KAZN: variants seen among roughly 807,000 people sequenced by gnomAD.
KAZN encodes kazrin.
A neutral mutation model predicts 87.4 loss-of-function variants in KAZN; 40 were observed. That is an observed-to-expected ratio of 0.46 (90% confidence interval 0.36 to 0.60). KAZN has a LOEUF of 0.60. KAZN is among the 20% of genes least tolerant of loss of function. KAZN has a pLI of 0.00. For missense variants in KAZN, 898 were observed against 1,073.9 expected (o/e 0.84, Z 2.29); for synonymous variants, 466 against 458.3 (o/e 1.02, Z -0.22).
chr1:14,930,808 C>T (rs1192682150), intron 1 of KAZN, among the ~76,000 whole-genome samples: 2 of 143,516 alleles, frequency 1.4e-5, no homozygotes, highest in African/African-American at 5.7e-5. Flanking sequence ...CTTCCTGGCA[C>T]CTTCGGCTCA....
At chr1:14,343,291 C>T (rs1657876951) in intron 2 of KAZN, among the ~76,000 whole-genome samples, 2 of 152,104 alleles carry the variant, frequency 1.3e-5, no homozygotes, top group South Asian at 2.1e-4. Context: ...GGGAAAACAT[C>T]GAGGAAAAAA....
At chr1:14,075,656 A>T (rs1239970592) in intron 1 of KAZN, among the ~76,000 whole-genome samples, 1 of 152,178 alleles carries the variant, frequency 6.6e-6, no homozygotes, top group East Asian at 1.9e-4. Flanking sequence ...TCCTTGAAAA[A>T]TGATTGTTTT....
chr1:13,958,157 C>T (rs553261117), intron 1 of KAZN, among the ~76,000 whole-genome samples: 71 of 152,254 alleles, frequency 4.7e-4, no homozygotes, highest in African/African-American at 1.7e-3. Flanking sequence ...TGTGTGTGCA[C>T]CCAGAGCTTA....
At chr1:14,471,747 A>C (rs1226982063) in intron 2 of KAZN, among the ~76,000 whole-genome samples, 1 of 152,180 alleles carries the variant, frequency 6.6e-6, no homozygotes, top group Admixed American at 6.5e-5. Flanking sequence ...ACCCTTAAAT[A>C]GGAAGAGAGA....
In KAZN at chr1:14,433,091, T is replaced by C. The variant is rs955374202; in HGVS notation, c.250-165892T>C. 2.6e-5 allele frequency among the ~76,000 whole-genome samples: 4 copies of C among 152,200 alleles called. No homozygotes were observed. In the East Asian group the frequency reaches 7.7e-4, roughly 29 times the overall value. On this transcript the variant is annotated intron_variant, in intron 2 of 16. Coordinates refer to the KAZN transcript ENST00000636203. ...CAAAGCTCTACATATTTATTTTTAA[T>C]GCTGGTATTCATGGAGGTATCATGA...
chr1:14,819,625 G>T (rs900746964), intron 1 of KAZN, among the ~76,000 whole-genome samples: 1 of 150,942 alleles, frequency 6.6e-6, no homozygotes. Flanking sequence ...TCCAAATCCT[G>T]CCTGCATTTC....
chr1:14,203,141 G>A (rs551017189), intron 2 of KAZN, among the ~76,000 whole-genome samples: 9 of 152,052 alleles, frequency 5.9e-5, no homozygotes, highest in African/African-American at 1.7e-4. Flanking sequence ...CTATCGTGAC[G>A]TATTTTAAGT....
intron 1 of KAZN, among the ~76,000 whole-genome samples, chr1:14,746,812 G>T (rs1644273308): frequency 6.6e-6 from 1 of 152,192 alleles, no homozygotes; most frequent in Non-Finnish European, 1.5e-5. Flanking sequence ...TGCTGTAAAT[G>T]ATTTCCTTTT....
intron 2 of KAZN, among the ~76,000 whole-genome samples, chr1:14,327,601 T>A (rs1557641998): frequency 6.6e-6 from 1 of 152,190 alleles, no homozygotes; most frequent in African/African-American, 2.4e-5. Context: ...ATTCATGCTT[T>A]ATTCTCCAAA....
rs558931237 is a variant in KAZN, at chr1:14,385,962, G to A, written c.249+205370G>A. Among the ~76,000 whole-genome samples the A allele has an allele frequency of 6.4e-3, 966 of 151,174 alleles. 8 individuals carry two copies. Among genetic ancestry groups the A allele is most frequent in the Non-Finnish European group, 9.3e-3 (629 of 67,834 alleles). The stretch of plus-strand genomic sequence containing the variant: ...TGTGGGAGTCTAAGTCTCTTTGTAG[G>A]TCACTCAGGACTTGCTTTATGAATC... On this transcript the variant is annotated intron_variant, in intron 2 of 16. Transcript: ENST00000636203.
chr1:14,674,029 G>A (rs142279980), intron 1 of KAZN, among the ~76,000 whole-genome samples: 50 of 152,262 alleles, frequency 3.3e-4, no homozygotes, highest in African/African-American at 1.1e-3. Context: ...TCAAGAACCC[G>A]TAGATCTAAT....
chr1:14,870,183 T>C (rs1484824121), intron 1 of KAZN, among the ~76,000 whole-genome samples: 1 of 152,156 alleles, frequency 6.6e-6, no homozygotes, highest in African/African-American at 2.4e-5. Context: ...AGGGCCTGGA[T>C]ACTGGGAAAA....
intron 1 of KAZN, among the ~76,000 whole-genome samples, chr1:14,930,906 G>T (rs1659738861): frequency 6.6e-6 from 1 of 152,162 alleles, no homozygotes; most frequent in South Asian, 2.1e-4. Flanking sequence ...AGGAGACTCT[G>T]CCCCTGCCCC....
At chr1:15,036,826 C>T (rs536466703) in intron 3 of KAZN, among the ~76,000 whole-genome samples, 2 of 152,308 alleles carry the variant, frequency 1.3e-5, no homozygotes, top group Admixed American at 1.3e-4. Context: ...GAAGAGTTCT[C>T]AGAGCCTCGT....
intron 2 of KAZN, among the ~76,000 whole-genome samples, chr1:14,388,295 G>C (rs1296484149): frequency 2.0e-5 from 3 of 152,190 alleles, no homozygotes; most frequent in African/African-American, 4.8e-5. Context: ...CACGCTGGGA[G>C]CTGTAGACCG....
rs150236273 is a variant in KAZN at position 14,783,797 on chromosome 1, G to A, written c.227-176887G>A. 2.8e-4 allele frequency among the ~76,000 whole-genome samples: 42 copies of A among 152,264 alleles called. 1 individual carries two copies. The highest frequency in any genetic ancestry group is 1.0e-3 in the South Asian group (5 of 4,812). On this transcript the variant is annotated intron_variant, in intron 1 of 14. Transcript: ENST00000376030. ...TCCTGGAAGACAGAAGGGCATGGGC[G>A]CACAAGAGACCTGGCCTGGCAGGGG...
At chr1:14,746,127 A>G (rs1459769011) in intron 1 of KAZN, among the ~76,000 whole-genome samples, 1 of 152,194 alleles carries the variant, frequency 6.6e-6, no homozygotes, top group African/African-American at 2.4e-5. Context: ...CCAGTTCAAA[A>G]TCACCCACAG....
chr1:14,566,841 T>C (rs1406420313), intron 2 of KAZN, among the ~76,000 whole-genome samples: 1 of 152,244 alleles, frequency 6.6e-6, no homozygotes, highest in East Asian at 1.9e-4. Flanking sequence ...TTAAAAAGAC[T>C]CAGGGTCTTG....
rs1272672036 is a variant in KAZN, at chr1:15,088,698, A to G, written c.1223-5482A>G. Among the ~76,000 whole-genome samples, 3 of 151,742 alleles carry G rather than the reference A, an allele frequency of 2.0e-5. No homozygotes were observed. In the East Asian group the frequency reaches 5.8e-4, roughly 29 times the overall value. ...GGAAACTGCCTTTAATTAATGGTTT[A>G]TGACCCCAAGGCCCCCCTAGACTCC... On this transcript the variant is annotated intron_variant, in intron 8 of 14. Coordinates refer to ENST00000376030, the MANE Select transcript of KAZN (RefSeq NM_201628.3).
Sources: allele counts gnomAD v4.1 joint callset (sites outside exome capture counted in the v4.1 genomes callset), GRCh38; gene constraint gnomAD v4.1.1; transcripts MANE v1.5; gene names NCBI Gene and HGNC (gene_info 2026-07-23, HGNC 2026-07-21).